CC2D2B: variants seen among roughly 807,000 people sequenced by gnomAD.
CC2D2B encodes the protein coiled-coil and C2 domain containing 2B.
Under a neutral mutation model 161.2 loss-of-function variants are expected in CC2D2B, and 128 were observed. The observed-to-expected ratio is 0.79, with a 90% confidence interval of 0.69 to 0.92. CC2D2B has a LOEUF of 0.92. Ranked by LOEUF, CC2D2B falls within the 40% of genes least tolerant of loss-of-function variation. The probability of loss-of-function intolerance (pLI) is 0.00; values close to 1 mark genes in which losing one functional copy is unlikely to be tolerated. For missense variants in CC2D2B, 1,173 were observed against 1,375.1 expected, an observed-to-expected ratio of 0.85 and a Z score of 2.32; for synonymous variants, 391 against 449.8, an observed-to-expected ratio of 0.87 and a Z score of 1.65.
rs35557930 is a variant in CC2D2B, at chr10:95,972,151, C to T, written c.1730C>T (p.Ala577Val). 224,702 of 1,230,700 alleles carry T rather than the reference C, an allele frequency of 0.18. 21,217 individuals are homozygous for T. Among genetic ancestry groups the T allele is most frequent in the African/African-American group, 0.26 (16,907 of 64,378 alleles). 76.2% of individuals were successfully genotyped at this position (1,230,700 alleles called of 1,614,324 possible). A position where few individuals can be genotyped will look rare whatever the true frequency, so the allele number is the denominator to read the frequency against. ...PNYTELKGKT[A>V]LQYVEFSSDK... ...TACACAGAGCTGAAAGGCAAAACCGCTTTGCAATATGTAGAGTTTAGCTCT... is the reference window on the plus strand; with the variant it reads ...TACACAGAGCTGAAAGGCAAAACCGTTTTGCAATATGTAGAGTTTAGCTCT... The change falls in exon 16 of 35, where the codon GCT becomes GTT. Residue 577 changes from alanine (A) to valine (V), a missense_variant. Coordinates refer to ENST00000646931, the MANE Select transcript of CC2D2B (RefSeq NM_001349008.3).
upstream of CC2D2B, chr10:95,907,942 G>C (rs1425405037): frequency 6.6e-6 from 1 of 152,434 alleles, no homozygotes; most frequent in East Asian, 1.9e-4. Flanking sequence ...CAGCCCGCGG[G>C]CGCCGTAGGG....
intron 19 of CC2D2B, among the ~76,000 whole-genome samples, chr10:95,986,935 C>A (rs987993285): frequency 6.6e-6 from 1 of 152,112 alleles, no homozygotes; most frequent in Non-Finnish European, 1.5e-5. Flanking sequence ...TAAAAACCTA[C>A]AGATTAGAAA....
chr10:96,027,564 C>T (rs966638835), intron 34 of CC2D2B, among the ~76,000 whole-genome samples, 175 bp downstream of exon 34: 6 of 152,258 alleles, frequency 3.9e-5, no homozygotes, highest in African/African-American at 1.4e-4. Flanking sequence ...GTCCATACTA[C>T]CCAAAGCAAT....
chr10:96,010,904 CTCAGATTTATT>C, intron 26 of CC2D2B, among the ~76,000 whole-genome samples: 1 of 152,270 alleles, frequency 6.6e-6, no homozygotes, highest in East Asian at 1.9e-4. Context: ...TAACAGTGCT[CTCAGATTTATT>C]TCAGAGACAA....
chr10:95,977,358 A>C (rs576779409), intron 17 of CC2D2B, among the ~76,000 whole-genome samples: 19 of 152,298 alleles, frequency 1.2e-4, no homozygotes, highest in African/African-American at 4.1e-4. Flanking sequence ...CTGGTGACAG[A>C]GTGAGACTCT....
At chr10:96,008,131 A>T (rs1209347774) in intron 25 of CC2D2B, among the ~76,000 whole-genome samples, 1 of 148,500 alleles carries the variant, frequency 6.7e-6, no homozygotes, top group Non-Finnish European at 1.5e-5. Context: ...TCTATTTTCT[A>T]GAATTTTATC....
At chr10:96,012,039 C>T (rs2079015155) in intron 26 of CC2D2B, 146 bp from the exon 27 acceptor site, 3 of 514,846 alleles carry the variant, frequency 5.8e-6, no homozygotes, top group Non-Finnish European at 1.0e-5. Flanking sequence ...AGAACCTGCT[C>T]ATTCTTGGGC....
intron 12 of CC2D2B, among the ~76,000 whole-genome samples, chr10:95,964,303 G>A (rs1431004594): frequency 3.3e-5 from 5 of 152,056 alleles, no homozygotes; most frequent in South Asian, 2.1e-4. Flanking sequence ...TAAGTTACTC[G>A]TAACACTTAT....
At chr10:95,973,183 G>A (rs988683047) in intron 16 of CC2D2B, among the ~76,000 whole-genome samples, 12 of 152,180 alleles carry the variant, frequency 7.9e-5, no homozygotes, top group Admixed American at 4.6e-4. Flanking sequence ...AGGGAAGAAC[G>A]GAGTTTGCTT....
intron 33 of CC2D2B, among the ~76,000 whole-genome samples, chr10:96,026,320 C>T (rs1564685922): frequency 6.6e-6 from 1 of 152,166 alleles, no homozygotes; most frequent in Non-Finnish European, 1.5e-5. Context: ...TATTCATCCC[C>T]AGGCACTGTT....
rs2077935526 is a variant in CC2D2B at position 95,991,045 on chromosome 10, C to T, written c.2380-325C>T. Reference sequence around the variant, plus strand: ...AGAAGTGGATTCACAGGGCAATTGTCTCCTTTGGTGAAAACTAGTTCTGGC... The same window carrying T: ...AGAAGTGGATTCACAGGGCAATTGTTTCCTTTGGTGAAAACTAGTTCTGGC... On this transcript the variant is annotated intron_variant, in intron 20 of 34. Coordinates refer to ENST00000646931, the MANE Select transcript of CC2D2B (RefSeq NM_001349008.3). Among the ~76,000 whole-genome samples the T allele has an allele frequency of 2.0e-5, 3 of 152,084 alleles. No homozygotes were observed. In the South Asian group the frequency reaches 6.2e-4, roughly 31 times the overall value.
At chr10:95,953,746 T>C (rs1211933898) in intron 10 of CC2D2B, among the ~76,000 whole-genome samples, 2 of 152,156 alleles carry the variant, frequency 1.3e-5, no homozygotes, top group Admixed American at 1.3e-4. Flanking sequence ...CTCGATGATA[T>C]TATCAACAAC....
intron 12 of CC2D2B, among the ~76,000 whole-genome samples, chr10:95,964,100 A>G (rs1324990591): frequency 1.3e-5 from 2 of 152,186 alleles, no homozygotes; most frequent in Non-Finnish European, 2.9e-5. Context: ...GATTCAGATA[A>G]CTGCCAAAGA....
intron 24 of CC2D2B, chr10:95,999,745 CTTT>C (rs746798457): frequency 0.021 from 3,671 of 174,158 alleles, no homozygotes; most frequent in Middle Eastern, 0.042. Context: ...GTCCAGAGGT[CTTT>C]TTTTTTTTTT....
intron 3 of CC2D2B, among the ~76,000 whole-genome samples, chr10:95,923,183 C>A (rs2098531148): frequency 1.3e-5 from 2 of 152,160 alleles, no homozygotes; most frequent in Non-Finnish European, 2.9e-5. Context: ...AACTCCTGAC[C>A]TGCCCGCCTC....
intron 5 of CC2D2B, among the ~76,000 whole-genome samples, chr10:95,925,653 A>G (rs1410263722): frequency 2.0e-5 from 3 of 152,230 alleles, no homozygotes; most frequent in Non-Finnish European, 4.4e-5. Context: ...TTCAAAGTAA[A>G]GTGTTTTCAT....
At chr10:95,971,187 G>A (rs1056326116) in intron 15 of CC2D2B, among the ~76,000 whole-genome samples, 2 of 152,010 alleles carry the variant, frequency 1.3e-5, no homozygotes, top group Non-Finnish European at 1.5e-5. Context: ...TCAGGAGTTC[G>A]AGTTCAGCCC....
At chr10:95,981,887 A>C in intron 17 of CC2D2B, 88 bp from the exon 18 acceptor site, 2 of 648,418 alleles carry the variant, frequency 3.1e-6, no homozygotes, top group Non-Finnish European at 4.4e-6. Flanking sequence ...CAGAATGGGT[A>C]TGTTTTTACC....
chr10:95,942,629 C>T (rs1426958503), intron 9 of CC2D2B, among the ~76,000 whole-genome samples: 1 of 151,900 alleles, frequency 6.6e-6, no homozygotes, highest in Non-Finnish European at 1.5e-5. Flanking sequence ...AAATTTTTTG[C>T]CATTTTCTTT....
Sources: allele counts gnomAD v4.1 joint callset (sites outside exome capture counted in the v4.1 genomes callset), GRCh38; gene constraint gnomAD v4.1.1; transcripts MANE v1.5; gene names NCBI Gene and HGNC (gene_info 2026-07-23, HGNC 2026-07-21).